SEMA5A: variants seen among roughly 807,000 people sequenced by gnomAD.
The protein encoded by SEMA5A is semaphorin 5A.
SEMA5A carries 55 observed loss-of-function variants against 135.5 expected under a neutral mutation model. That is an observed-to-expected ratio of 0.41 (90% confidence interval 0.33 to 0.51). The LOEUF is 0.51. Among genes scored for constraint, SEMA5A ranks in the 20% least tolerant of loss-of-function variants. The probability of loss-of-function intolerance (pLI) is 0.37; values close to 1 mark genes in which losing one functional copy is unlikely to be tolerated. For missense variants in SEMA5A, 1,290 were observed against 1,419.9 expected (o/e 0.91, Z 1.47); for synonymous variants, 580 against 546.5 (o/e 1.06, Z -0.85).
intron 8 of SEMA5A, among the ~76,000 whole-genome samples, chr5:9,212,419 C>T (rs1405693971): frequency 1.3e-5 from 2 of 152,176 alleles, no homozygotes; most frequent in South Asian, 2.1e-4. Context: ...GACTTTGGCA[C>T]AGGAGAAAAT....
At chr5:9,339,647 C>T (rs1172526142) in intron 3 of SEMA5A, among the ~76,000 whole-genome samples, 3 of 152,068 alleles carry the variant, frequency 2.0e-5, no homozygotes, top group African/African-American at 7.2e-5. Context: ...GTAATAGCAA[C>T]TTAAGAAACT....
At chr5:9,516,260 C>T (rs1158757817) in intron 1 of SEMA5A, among the ~76,000 whole-genome samples, 1 of 151,992 alleles carries the variant, frequency 6.6e-6, no homozygotes, top group Admixed American at 6.6e-5. Context: ...AAACACCACG[C>T]AACACATAAA....
At chr5:9,463,488 C>T (rs540042836) in intron 1 of SEMA5A, among the ~76,000 whole-genome samples, 2 of 151,966 alleles carry the variant, frequency 1.3e-5, no homozygotes, top group African/African-American at 2.4e-5. Flanking sequence ...CAATCATTCT[C>T]TAAAGAAAAG....
chr5:9,506,878 TC>T (rs922921895), intron 1 of SEMA5A, among the ~76,000 whole-genome samples: 4 of 152,178 alleles, frequency 2.6e-5, no homozygotes, highest in Non-Finnish European at 5.9e-5. Flanking sequence ...GGGAGCTCTT[TC>T]CTGTAACCTC....
At chr5:9,046,862 C>CTG (rs989114051) in intron 21 of SEMA5A, among the ~76,000 whole-genome samples, 4 of 152,222 alleles carry the variant, frequency 2.6e-5, no homozygotes, top group African/African-American at 9.6e-5. Flanking sequence ...TTCCTGACCA[C>CTG]TGAAGTGCCA....
intron 5 of SEMA5A, among the ~76,000 whole-genome samples, chr5:9,239,560 A>T (rs553197092): frequency 6.6e-6 from 1 of 152,146 alleles, no homozygotes; most frequent in Non-Finnish European, 1.5e-5. Flanking sequence ...AATATTACTC[A>T]GTTTTTTTGT....
chr5:9,470,102 G>A (rs994199207), intron 1 of SEMA5A, among the ~76,000 whole-genome samples: 2 of 152,288 alleles, frequency 1.3e-5, no homozygotes, highest in African/African-American at 2.4e-5. Flanking sequence ...GTTAGGGGGG[G>A]TTCCACTATT....
intron 1 of SEMA5A, among the ~76,000 whole-genome samples, chr5:9,537,333 G>A (rs1041427305): frequency 6.6e-6 from 1 of 152,204 alleles, no homozygotes; most frequent in Admixed American, 6.5e-5. Flanking sequence ...TAACCAGCCA[G>A]TCTGTTTAAC....
chr5:9,204,612 C>T lies in SEMA5A; in HGVS notation c.647-2372G>A, dbSNP rs939941696. On this transcript the variant is annotated intron_variant, in intron 8 of 22. Transcript: ENST00000382496. The surrounding 1 kb of genome is among the most constrained non-coding windows in gnomAD (Gnocchi z 6.4). ...GAGCTAGGTGCTGTGCTATTCTTCC[C>T]ATTTCACAGATGAGGACACTAAAGC... is the stretch of plus-strand genomic sequence containing the variant. Among the ~76,000 whole-genome samples the T allele has an allele frequency of 1.3e-5, 2 of 152,182 alleles. No individual in the cohort carries two copies. Among genetic ancestry groups the T allele is most frequent in the African/African-American group, 4.8e-5 (2 of 41,444 alleles).
At chr5:9,068,709 C>A (rs1469179356) in intron 16 of SEMA5A, among the ~76,000 whole-genome samples, 1 of 152,098 alleles carries the variant, frequency 6.6e-6, no homozygotes, top group African/African-American at 2.4e-5. Flanking sequence ...AAAAATGGGG[C>A]TGTGGATTCC....
intron 8 of SEMA5A, among the ~76,000 whole-genome samples, chr5:9,215,233 A>G (rs1746551516): frequency 6.6e-6 from 1 of 152,212 alleles, no homozygotes; most frequent in African/African-American, 2.4e-5. Flanking sequence ...AAACAGATTT[A>G]CCAGCAGTAG....
chr5:9,037,892 C>T lies in SEMA5A; in HGVS notation c.*5005G>A, dbSNP rs1213744623. 1 of 152,182 alleles carries T rather than the reference C, an allele frequency of 6.6e-6. No individual in the cohort carries two copies. The highest frequency in any genetic ancestry group is 1.5e-5 in the Non-Finnish European group (1 of 68,030). The allele number at this position is 152,182 out of a possible 1,614,324, so 9.4% of individuals were successfully genotyped here. On this transcript the variant is annotated 3_prime_UTR_variant, in exon 23 of 23. Coordinates refer to ENST00000382496, the MANE Select transcript of SEMA5A (RefSeq NM_003966.3). ...TTCACGATGATCCCCTGTCCCCAAACATTTTATCTTACATTGTGCATGGCA... is the reference window on the plus strand; with the variant it reads ...TTCACGATGATCCCCTGTCCCCAAATATTTTATCTTACATTGTGCATGGCA...
intron 2 of SEMA5A, among the ~76,000 whole-genome samples, chr5:9,399,979 T>TA (rs1002213054): frequency 7.9e-5 from 12 of 152,278 alleles, no homozygotes; most frequent in East Asian, 7.7e-4. Flanking sequence ...TATGCAGCCA[T>TA]AAAAAAGGAT....
chr5:9,521,346 G>T (rs1027244781), intron 1 of SEMA5A, among the ~76,000 whole-genome samples: 1 of 152,210 alleles, frequency 6.6e-6, no homozygotes, highest in Admixed American at 6.5e-5. Flanking sequence ...GGAGGTGGAG[G>T]CCGCAGTGAG....
chr5:9,062,835 C>T (rs1006794828), intron 18 of SEMA5A, 52 bp downstream of exon 18: 3 of 1,585,284 alleles, frequency 1.9e-6, no homozygotes, highest in Non-Finnish European at 2.6e-6. Context: ...TTAGAAGACT[C>T]TCCAAGGCCC....
At chr5:9,096,355 C>T (rs750946022) in intron 16 of SEMA5A, among the ~76,000 whole-genome samples, 1 of 152,186 alleles carries the variant, frequency 6.6e-6, no homozygotes, top group Non-Finnish European at 1.5e-5. Flanking sequence ...CCTGCACTCT[C>T]CTGCCAACCT....
chr5:9,499,114 A>T (rs1735454742), intron 1 of SEMA5A, among the ~76,000 whole-genome samples: 2 of 152,190 alleles, frequency 1.3e-5, no homozygotes, highest in South Asian at 4.1e-4. Context: ...TTGTGGTGCC[A>T]CCTGGTGGAA....
intron 5 of SEMA5A, among the ~76,000 whole-genome samples, chr5:9,308,437 G>A (rs145359347): frequency 9.9e-5 from 15 of 152,182 alleles, no homozygotes; most frequent in East Asian, 3.9e-4. Context: ...ATCTGGGATC[G>A]GGTTGAGGCT....
rs374412206 is a variant in SEMA5A at position 9,226,984 on chromosome 5, A to T, written c.334-17T>A. The T allele has an allele frequency of 8.1e-5, 106 of 1,316,136 alleles. No homozygotes were observed. In the African/African-American group the frequency reaches 1.2e-3, roughly 15 times the overall value. 81.5% of individuals were successfully genotyped at this position (1,316,136 alleles called of 1,614,324 possible). On this transcript the variant is annotated splice_polypyrimidine_tract_variant and intron_variant, in intron 6 of 22. Transcript: ENST00000382496. ...ACATTCCTCCTGAGGGAAAATAAAT[A>T]AATTAATTAAAAATATATATATATA...
Sources: gnomAD v4.1 joint callset for allele counts (sites outside exome capture counted in the v4.1 genomes callset) on GRCh38, gnomAD v4.1.1 for gene constraint, Gnocchi (gnomAD v3.1) non-coding constraint, MANE v1.5 for transcripts, NCBI Gene and HGNC (gene_info 2026-07-23, HGNC 2026-07-21) for gene names.